PLCXD2: variants seen among roughly 807,000 people sequenced by gnomAD.
The protein encoded by PLCXD2 is phosphatidylinositol specific phospholipase C X domain containing 2.
In PLCXD2, 21 loss-of-function variants were observed where a neutral mutation model predicts 28.6. The observed-to-expected ratio is 0.73, with a 90% CI of 0.52 to 1.06. PLCXD2 has a LOEUF of 1.06. Among genes scored for constraint, PLCXD2 ranks in the 50% least tolerant of loss-of-function variants. The pLI is 0.00. For missense variants in PLCXD2, 369 were observed against 376.7 expected (o/e 0.98, Z 0.17); for synonymous variants, 140 against 150.1 (o/e 0.93, Z 0.49).
chr3:111,709,813 A>G (rs1397861853), intron 2 of PLCXD2, among the ~76,000 whole-genome samples: 1 of 152,210 alleles, frequency 6.6e-6, no homozygotes, highest in African/African-American at 2.4e-5. Flanking sequence ...ATGTGAGCCT[A>G]GAAGGCCCTG....
At chr3:111,696,253 C>A (rs1053487524) in intron 1 of PLCXD2, among the ~76,000 whole-genome samples, 1 of 152,170 alleles carries the variant, frequency 6.6e-6, no homozygotes, top group African/African-American at 2.4e-5. Flanking sequence ...CCTAGTTGAG[C>A]CTTTACTGCT....
chr3:111,683,670 G>T (rs1469280447), intron 1 of PLCXD2, among the ~76,000 whole-genome samples: 1 of 152,156 alleles, frequency 6.6e-6, no homozygotes, highest in Non-Finnish European at 1.5e-5. Flanking sequence ...TGCCTTCAAA[G>T]AGCTGACAGT....
chr3:111,719,669 A>G (rs1234692745), intron 3 of PLCXD2, among the ~76,000 whole-genome samples: 1 of 152,226 alleles, frequency 6.6e-6, no homozygotes, highest in Non-Finnish European at 1.5e-5. Flanking sequence ...CATGGCTTAT[A>G]TGAAGTTTTA....
At chr3:111,684,649 G>A (rs932379738) in intron 1 of PLCXD2, among the ~76,000 whole-genome samples, 5 of 149,884 alleles carry the variant, frequency 3.3e-5, no homozygotes, top group African/African-American at 9.9e-5. Flanking sequence ...ACAAAACTCC[G>A]TCTTAAAAAA....
chr3:111,707,927 C>A lies in PLCXD2; in HGVS notation c.165C>A (p.Gly55=). ...CCTCACCTGTATTCCTTTGTACAGG[C>A]TCACATGATTCATTCAGCTACTGGG... The change falls in exon 2 of 5, where the codon GGC becomes GGA. Residue 55 remains glycine (G), a splice_region_variant and synonymous_variant. Transcript: ENST00000477665. 1 of 1,612,462 alleles carries A rather than the reference C, an allele frequency of 6.2e-7. No individual in the cohort carries two copies. The highest frequency in any genetic ancestry group is 1.1e-5 in the South Asian group (1 of 90,796).
chr3:111,675,017 T>C lies in PLCXD2; in HGVS notation c.-229T>C. 1.9e-6 allele frequency: 1 copy of C among 539,068 alleles called. No homozygotes were observed. The highest frequency in any genetic ancestry group is 2.7e-5 in the South Asian group (1 of 37,054). 33.4% of individuals were successfully genotyped at this position (539,068 alleles called of 1,614,324 possible). A position where few individuals can be genotyped will look rare whatever the true frequency, so the allele number is the denominator to read the frequency against. ...GGGAACATAAGAAGTTTAACGGAGC[T>C]GGGACTGAGCAGATTAAGGGAGTGG... On this transcript the variant is annotated 5_prime_UTR_variant, in exon 1 of 5. Transcript: ENST00000477665.
Position 111,675,131 on chromosome 3 carries a change from T to C in PLCXD2, c.-115T>C. The C allele has an allele frequency of 1.5e-6, 2 of 1,300,172 alleles. No homozygotes were observed. The highest frequency in any genetic ancestry group is 2.1e-6 in the Non-Finnish European group (2 of 933,960). 80.5% of individuals were successfully genotyped at this position (1,300,172 alleles called of 1,614,324 possible). ...GCCCCGTCCCCCAGCCAGAAAGGCA[T>C]TTTGGAAAGACTGGCGTGGCAAGCG... On this transcript the variant is annotated 5_prime_UTR_variant, in exon 1 of 5. Transcript: ENST00000477665.
chr3:111,711,281 G>A (rs1440506074), intron 2 of PLCXD2, among the ~76,000 whole-genome samples: 2 of 152,174 alleles, frequency 1.3e-5, no homozygotes, highest in African/African-American at 2.4e-5. Context: ...GCACACGCCT[G>A]TAATCCCAGC....
At chr3:111,711,136 G>A (rs773793624) in intron 2 of PLCXD2, among the ~76,000 whole-genome samples, 19 of 152,214 alleles carry the variant, frequency 1.2e-4, no homozygotes, top group Middle Eastern at 3.4e-3. Flanking sequence ...GGCTGGGTGC[G>A]GTGGTTCATG....
intron 1 of PLCXD2, among the ~76,000 whole-genome samples, chr3:111,677,697 T>A (rs1274939666): frequency 3.9e-5 from 6 of 152,244 alleles, no homozygotes; most frequent in African/African-American, 1.4e-4. Flanking sequence ...ACCCAGGCAC[T>A]GTCTCTGTGC....
At chr3:111,698,747 CAG>C (rs1367334522) in intron 1 of PLCXD2, among the ~76,000 whole-genome samples, 2 of 152,116 alleles carry the variant, frequency 1.3e-5, no homozygotes. Flanking sequence ...GAGACAGTGT[CAG>C]AGGTTCAGCC....
At chr3:111,717,029 A>G (rs1941276122) in intron 3 of PLCXD2, among the ~76,000 whole-genome samples, 1 of 152,150 alleles carries the variant, frequency 6.6e-6, no homozygotes, top group African/African-American at 2.4e-5. Context: ...TGGATGTCCA[A>G]CTTCTAAAAC....
intron 2 of PLCXD2, among the ~76,000 whole-genome samples, chr3:111,713,498 A>C (rs1332826373): frequency 6.6e-6 from 1 of 152,212 alleles, no homozygotes; most frequent in Non-Finnish European, 1.5e-5. Context: ...TTTTTATTGA[A>C]TGCATTTATC....
intron 1 of PLCXD2, among the ~76,000 whole-genome samples, chr3:111,698,171 T>C (rs149631495): frequency 5.9e-5 from 9 of 152,334 alleles, no homozygotes; most frequent in Admixed American, 2.6e-4. Flanking sequence ...TTAATAATAA[T>C]AACATGTTTG....
At chr3:111,678,894 T>A (rs1431873236) in intron 1 of PLCXD2, among the ~76,000 whole-genome samples, 1 of 152,202 alleles carries the variant, frequency 6.6e-6, no homozygotes, top group East Asian at 1.9e-4. Flanking sequence ...CAAGAAAATG[T>A]ATAAACAAGG....
Position 111,675,265 on chromosome 3 carries a change from C to A in PLCXD2, c.20C>A (p.Ala7Asp). ...ACAGGGATGCTAGCAGTTAGGAAGG[C>A]CAGGAGGAAACTCAGGATGGGGACC... Residue 7 changes from alanine to aspartate, a missense_variant, in exon 1 of 5, where the codon GCC (alanine) becomes GAC (aspartate). By Grantham distance (126) the Ala-to-Asp change is moderately radical (BLOSUM62 -2). Coordinates refer to ENST00000477665, the MANE Select transcript of PLCXD2 (RefSeq NM_001185106.1). 1 of 1,613,994 alleles carries A rather than the reference C, an allele frequency of 6.2e-7. No individual in the cohort carries two copies. Among genetic ancestry groups the A allele is most frequent in the Non-Finnish European group, 8.5e-7 (1 of 1,179,944 alleles).
chr3:111,703,684 A>G (rs1482590636), intron 1 of PLCXD2, among the ~76,000 whole-genome samples: 2 of 152,238 alleles, frequency 1.3e-5, no homozygotes, highest in African/African-American at 4.8e-5. Context: ...TATCTAATGT[A>G]TTCATAATAA....
chr3:111,713,568 A>G (rs549130296), intron 2 of PLCXD2, among the ~76,000 whole-genome samples: 2 of 152,318 alleles, frequency 1.3e-5, no homozygotes, highest in South Asian at 4.1e-4. Context: ...CTATATTTCC[A>G]TATCATAGAT....
At chr3:111,720,637 G>A (rs2107875553) in intron 3 of PLCXD2, 86 bp from the exon 4 acceptor site, 1 of 415,106 alleles carries the variant, frequency 2.4e-6, no homozygotes, top group Non-Finnish European at 4.4e-6. Context: ...GTAATATTAA[G>A]GGAAATGTTT....
Sources: allele counts gnomAD v4.1 joint callset (sites outside exome capture counted in the v4.1 genomes callset), GRCh38; gene constraint gnomAD v4.1.1; transcripts MANE v1.5; gene names NCBI Gene and HGNC (gene_info 2026-07-23, HGNC 2026-07-21).